RALGAPA2: variants seen among roughly 807,000 people sequenced by gnomAD.
The protein encoded by RALGAPA2 is Ral GTPase activating protein catalytic subunit alpha 2.
In RALGAPA2, 139 loss-of-function variants were observed where a neutral mutation model predicts 230.4. That is an observed-to-expected ratio of 0.60 (90% CI 0.53 to 0.69). The LOEUF (loss-of-function observed/expected upper bound fraction) is 0.69, where lower values mean the gene tolerates loss of function less well. Among genes scored for constraint, RALGAPA2 ranks in the 30% least tolerant of loss-of-function variants. RALGAPA2 has a pLI of 0.00. For missense variants in RALGAPA2, 2,163 were observed against 2,276.0 expected (o/e 0.95, Z 1.01); for synonymous variants, 847 against 837.8 (o/e 1.01, Z -0.19).
intron 31 of RALGAPA2, among the ~76,000 whole-genome samples, chr20:20,515,501 C>T (rs1297346555): frequency 3.3e-5 from 5 of 152,232 alleles, no homozygotes; most frequent in African/African-American, 1.2e-4. Context: ...TATAAATCCT[C>T]AGAGTGTCAG....
At position 20,546,728 on chromosome 20, in the gene RALGAPA2, C is replaced by T. The variant is rs374794807; in HGVS notation, c.3261G>A (p.Arg1087=). 1 of 1,608,992 alleles carries T rather than the reference C, an allele frequency of 6.2e-7. No individual in the cohort carries two copies. Among genetic ancestry groups the T allele is most frequent in the East Asian group, 2.2e-5 (1 of 44,690 alleles). ...CCGTCAAAATGTCTGTGCTAAGGAC[C>T]CTGGCAGCGGCCGTGATGAAGTCCC... ...LVGDFITAAA[R]VLSTDILTAP... is the part of the protein sequence containing the mutation. The change falls in exon 24 of 40, where the codon AGG becomes AGA. Residue 1087 remains arginine, a synonymous_variant. Transcript: ENST00000202677.
At chr20:20,583,280 T>A (rs2065040918) in intron 19 of RALGAPA2, 54 bp from the exon 20 acceptor site, 45 of 1,503,912 alleles carry the variant, frequency 3.0e-5, no homozygotes, top group Non-Finnish European at 4.0e-5. Context: ...AAAATCAGAA[T>A]GTTCACAATT....
chr20:20,419,425 A>G (rs2060231658), intron 37 of RALGAPA2, among the ~76,000 whole-genome samples: 1 of 152,236 alleles, frequency 6.6e-6, no homozygotes, highest in African/African-American at 2.4e-5. Flanking sequence ...ATGATCACAA[A>G]GAAGTCCATT....
chr20:20,512,582 T>G lies in RALGAPA2; in HGVS notation c.4787A>C (p.Glu1596Ala). The G allele has an allele frequency of 6.2e-7, 1 of 1,613,824 alleles. No homozygotes were observed. Among genetic ancestry groups the G allele is most frequent in the Non-Finnish European group, 8.5e-7 (1 of 1,179,774 alleles). Residue 1596 changes from glutamate to alanine, a missense_variant, in exon 32 of 40, where the codon GAG becomes GCG. Glu to Ala is a moderately radical substitution (Grantham distance 107). Coordinates refer to ENST00000202677, the MANE Select transcript of RALGAPA2 (RefSeq NM_020343.4). ...GCAGAAATAAAAGGGTCCTCGGGGC[T>G]CCACTGGGGAGGGCTGCCCTTGGCT... ...VTSQGQPSPV[E>A]PRGPFYFCRL...
At chr20:20,462,030 C>A (rs1295333738) in intron 37 of RALGAPA2, among the ~76,000 whole-genome samples, 1 of 152,166 alleles carries the variant, frequency 6.6e-6, no homozygotes, top group Non-Finnish European at 1.5e-5. Context: ...AGAGGGACAA[C>A]ATATTCTGTG....
At chr20:20,483,818 G>A (rs972156966) in intron 36 of RALGAPA2, among the ~76,000 whole-genome samples, 2 of 152,174 alleles carry the variant, frequency 1.3e-5, no homozygotes, top group Non-Finnish European at 2.9e-5. Flanking sequence ...AGAATCAAGT[G>A]CCAGACAGGA....
At chr20:20,588,758 AT>A in intron 18 of RALGAPA2, among the ~76,000 whole-genome samples, 1 of 152,180 alleles carries the variant, frequency 6.6e-6, no homozygotes, top group Non-Finnish European at 1.5e-5. Context: ...TATATGCTAC[AT>A]TTTAAAAAAA....
intron 34 of RALGAPA2, 178 bp downstream of exon 34, chr20:20,505,233 G>A (rs767419286): frequency 2.1e-6 from 2 of 942,338 alleles, no homozygotes; most frequent in Non-Finnish European, 1.3e-6. Context: ...AAAAGTTCAT[G>A]TATTAAATAC....
At chr20:20,538,321 G>A (rs1372988390) in intron 24 of RALGAPA2, among the ~76,000 whole-genome samples, 1 of 152,196 alleles carries the variant, frequency 6.6e-6, no homozygotes, top group Non-Finnish European at 1.5e-5. Context: ...ACTGCTAAGG[G>A]CCACAGAGGA....
intron 4 of RALGAPA2, among the ~76,000 whole-genome samples, chr20:20,651,998 G>A (rs1368852236): frequency 6.6e-6 from 1 of 152,102 alleles, no homozygotes; most frequent in Non-Finnish European, 1.5e-5. Context: ...ATGCAATGGA[G>A]AACTCTCTAA....
intron 1 of RALGAPA2, among the ~76,000 whole-genome samples, chr20:20,682,641 A>T (rs2068560684): frequency 6.6e-6 from 1 of 152,168 alleles, no homozygotes; most frequent in Non-Finnish European, 1.5e-5. Flanking sequence ...CTTAATTCTG[A>T]TGGAATAATC....
At chr20:20,632,049 G>T (rs1410131458) in intron 9 of RALGAPA2, among the ~76,000 whole-genome samples, 2 of 149,780 alleles carry the variant, frequency 1.3e-5, no homozygotes, top group African/African-American at 4.9e-5. Context: ...TTTTGAGACA[G>T]AGTCTCGCTC....
intron 23 of RALGAPA2, among the ~76,000 whole-genome samples, chr20:20,554,075 C>A (rs1225174418): frequency 1.3e-5 from 2 of 152,138 alleles, no homozygotes; most frequent in African/African-American, 2.4e-5. Flanking sequence ...CAGAATTGTG[C>A]AACCGTAGCC....
At chr20:20,644,286 CA>C (rs1468220604) in intron 4 of RALGAPA2, among the ~76,000 whole-genome samples, 1 of 152,006 alleles carries the variant, frequency 6.6e-6, no homozygotes, top group East Asian at 2.0e-4. Flanking sequence ...ACTTTCCTCT[CA>C]GTCAAATTTC....
chr20:20,438,752 T>C (rs2060668753), intron 37 of RALGAPA2, among the ~76,000 whole-genome samples: 1 of 152,208 alleles, frequency 6.6e-6, no homozygotes, highest in Non-Finnish European at 1.5e-5. Context: ...TTTCAAGCTA[T>C]CAGACTAAAA....
intron 36 of RALGAPA2, among the ~76,000 whole-genome samples, chr20:20,485,322 A>G (rs868079672): frequency 6.6e-6 from 1 of 152,158 alleles, no homozygotes; most frequent in Admixed American, 6.5e-5. Flanking sequence ...GATTAGTGTG[A>G]GCATGGTATA....
At chr20:20,446,402 A>T (rs1264933792) in intron 37 of RALGAPA2, among the ~76,000 whole-genome samples, 1 of 152,254 alleles carries the variant, frequency 6.6e-6, no homozygotes, top group Admixed American at 6.5e-5. Context: ...TGAAAGAGGT[A>T]AATTTTCAAA....
chr20:20,500,234 T>C (rs942104166), intron 35 of RALGAPA2, among the ~76,000 whole-genome samples: 2 of 152,176 alleles, frequency 1.3e-5, no homozygotes, highest in Non-Finnish European at 2.9e-5. Context: ...AATTGCCACA[T>C]TGATTGACTC....
Position 20,390,371 on chromosome 20 carries a change from C to T in RALGAPA2, c.*2918G>A, listed in dbSNP as rs1255254249. On this transcript the variant is annotated 3_prime_UTR_variant, in exon 40 of 40. Coordinates refer to ENST00000202677, the MANE Select transcript of RALGAPA2 (RefSeq NM_020343.4). ...TTTCTTCACTTCTGTCTGCTGAAGG[C>T]TTATTTTTAAAAAGTCATAATTTTT... 1 of 152,148 alleles carries T rather than the reference C, an allele frequency of 6.6e-6. No individual in the cohort carries two copies. The highest frequency in any genetic ancestry group is 1.5e-5 in the Non-Finnish European group (1 of 68,022). The allele number at this position is 152,148 out of a possible 1,614,324, so 9.4% of individuals were successfully genotyped here.
Sources: gnomAD v4.1 joint callset for allele counts (sites outside exome capture counted in the v4.1 genomes callset) on GRCh38, gnomAD v4.1.1 for gene constraint, MANE v1.5 for transcripts, NCBI Gene and HGNC (gene_info 2026-07-23, HGNC 2026-07-21) for gene names.